The following DIP2C variants were observed in gnomAD, a reference collection of about 807,000 sequenced individuals.
The protein encoded by DIP2C is disco-interacting protein 2 homolog C.
In DIP2C, 33 loss-of-function variants were observed where a neutral mutation model predicts 192.4. That is an observed-to-expected ratio of 0.17 (90% CI 0.13 to 0.23). The LOEUF (loss-of-function observed/expected upper bound fraction) is 0.23. Ranked by LOEUF, DIP2C falls within the 10% of genes least tolerant of loss-of-function variation. DIP2C has a pLI of 1.00. For synonymous variants in DIP2C, 979 were observed against 864.1 expected, an observed-to-expected ratio of 1.13 and a Z score of -2.33; for missense variants, 1,537 against 2,110.1, an observed-to-expected ratio of 0.73 and a Z score of 5.32.
At chr10:647,055 C>G (rs1179346800) in intron 1 of DIP2C, among the ~76,000 whole-genome samples, 1 of 152,214 alleles carries the variant, frequency 6.6e-6, no homozygotes, top group Non-Finnish European at 1.5e-5. Flanking sequence ...TAGGAGAGAA[C>G]AGAGGGAAAC....
At chr10:523,450 TCGTTTCTAC>T in intron 1 of DIP2C, among the ~76,000 whole-genome samples, 1 of 125,614 alleles carries the variant, frequency 8.0e-6, no homozygotes, top group East Asian at 2.7e-4. Context: ...ACCCACACAC[TCGTTTCTAC>T]TGGATGCAAA....
In DIP2C at chr10:651,518, A is replaced by G. The variant is rs1828458358; in HGVS notation, c.85+37976T>C. ...TGAAAATCCGTATCCACGTGAAGGTATTATGCAAAAAAAGCTTAACTTTGT... is the reference window on the plus strand; with the variant it reads ...TGAAAATCCGTATCCACGTGAAGGTGTTATGCAAAAAAAGCTTAACTTTGT... On this transcript the variant is annotated intron_variant, in intron 1 of 36. Transcript: ENST00000280886. The surrounding 1 kb of genome is among the most constrained non-coding windows in gnomAD (Gnocchi z 4.1). 1 of 509,478 alleles carries G rather than the reference A, an allele frequency of 2.0e-6. No homozygotes were observed. The highest frequency in any genetic ancestry group is 1.9e-5 in the African/African-American group (1 of 52,080). 31.6% of individuals were successfully genotyped at this position (509,478 alleles called of 1,614,324 possible).
At chr10:278,433 TGTGCCATTGCAAG>T (rs773205976) in intron 36 of DIP2C, among the ~76,000 whole-genome samples, 41,157 of 152,192 alleles carry the variant, frequency 0.27, 5,676 homozygotes, top group Middle Eastern at 0.37. Context: ...CTGGCGTGCC[TGTGCCATTGCAAG>T]GATGGGGACA....
intron 5 of DIP2C, among the ~76,000 whole-genome samples, chr10:421,964 G>C (rs1415504247): frequency 6.6e-6 from 1 of 152,172 alleles, no homozygotes; most frequent in Admixed American, 6.5e-5. Context: ...CAGTGATCTA[G>C]AAGTGAACAT....
At chr10:677,189 C>G (rs575551701) in intron 1 of DIP2C, among the ~76,000 whole-genome samples, 58 of 152,302 alleles carry the variant, frequency 3.8e-4, no homozygotes, top group African/African-American at 1.3e-3. Flanking sequence ...GTCACTTGAG[C>G]TGAAAGCAAA....
chr10:470,554 CAA>C (rs1446428693), intron 3 of DIP2C, among the ~76,000 whole-genome samples: 1 of 152,176 alleles, frequency 6.6e-6, no homozygotes, highest in African/African-American at 2.4e-5. Flanking sequence ...AGGCTTTTAT[CAA>C]GAGAGAAGAC....
intron 1 of DIP2C, among the ~76,000 whole-genome samples, chr10:596,701 G>GGGAACAGATGCTGCGGGAAGT (rs1179715235): frequency 6.6e-6 from 1 of 152,068 alleles, no homozygotes; most frequent in African/African-American, 2.4e-5. Context: ...AATCGGCATA[G>GGGAACAGATGCTGCGGGAAGT]GGAACAGATG....
intron 1 of DIP2C, among the ~76,000 whole-genome samples, chr10:505,250 C>A (rs974874565): frequency 3.9e-5 from 6 of 152,196 alleles, no homozygotes; most frequent in African/African-American, 1.4e-4. Context: ...ACTAACTTCC[C>A]AGCAGTGTCT....
chr10:286,481 G>A (rs1955137961), intron 33 of DIP2C, 134 bp from the exon 34 acceptor site: 4 of 769,206 alleles, frequency 5.2e-6, no homozygotes, highest in South Asian at 3.2e-5. Flanking sequence ...AAAACTATAT[G>A]CCACATAGTT....
chr10:645,754 C>T (rs760168242), intron 1 of DIP2C, among the ~76,000 whole-genome samples: 7 of 152,148 alleles, frequency 4.6e-5, no homozygotes, highest in Non-Finnish European at 7.4e-5. Flanking sequence ...ATGTTGATAA[C>T]GTTTATCTCT....
At chr10:467,539 TA>T (rs1970313729) in intron 3 of DIP2C, among the ~76,000 whole-genome samples, 2 of 7,356 alleles carry the variant, frequency 2.7e-4, no homozygotes, top group Non-Finnish European at 5.0e-3. Context: ...AAAAAAAAAA[TA>T]AATAAAATAA....
intron 32 of DIP2C, among the ~76,000 whole-genome samples, chr10:290,726 G>A (rs1028440207): frequency 7.9e-5 from 12 of 152,216 alleles, no homozygotes; most frequent in Non-Finnish European, 1.5e-4. Context: ...AACTAGGAGG[G>A]GGTCAGAGGC....
chr10:347,431 A>G (rs1958540723), intron 26 of DIP2C, among the ~76,000 whole-genome samples: 1 of 147,710 alleles, frequency 6.8e-6, no homozygotes, highest in African/African-American at 2.5e-5. Context: ...TTCTCCCGGA[A>G]ACGTCACACG....
At chr10:501,899 C>T (rs919654579) in intron 1 of DIP2C, among the ~76,000 whole-genome samples, 1 of 152,158 alleles carries the variant, frequency 6.6e-6, no homozygotes, top group African/African-American at 2.4e-5. Context: ...AATCCCAGTG[C>T]TTTGGGAGGC....
At chr10:570,188 A>G (rs566849136) in intron 1 of DIP2C, among the ~76,000 whole-genome samples, 2 of 152,280 alleles carry the variant, frequency 1.3e-5, no homozygotes, top group African/African-American at 4.8e-5. Flanking sequence ...TGTCATTGCC[A>G]CCATAGCTGT....
rs17159608 is a variant in DIP2C, at chr10:503,830, T to C, written c.86-17300A>G. On this transcript the variant is annotated intron_variant, in intron 1 of 36. Transcript: ENST00000280886. ...CTATGGTTTTCATCACGGTTCTATA[T>C]ACACCTGAAAATCTCTGCCGCCTAC... Among the ~76,000 whole-genome samples, 417 of 152,362 alleles carry C rather than the reference T, an allele frequency of 2.7e-3. 3 individuals are homozygous for C. Among genetic ancestry groups the C allele is most frequent in the Admixed American group, 0.018 (274 of 15,312 alleles).
At chr10:649,360 A>G (rs2131990158) in intron 1 of DIP2C, among the ~76,000 whole-genome samples, 1 of 152,326 alleles carries the variant, frequency 6.6e-6, no homozygotes, top group South Asian at 2.1e-4. Context: ...AACTGAGTCC[A>G]CGTCCACATT....
intron 1 of DIP2C, among the ~76,000 whole-genome samples, chr10:590,028 G>C (rs1315874306): frequency 2.6e-5 from 4 of 152,226 alleles, no homozygotes; most frequent in African/African-American, 9.6e-5. Flanking sequence ...GTTCAAACAG[G>C]AGAAAGGTAG....
intron 1 of DIP2C, chr10:629,006 G>C (rs1014646064): frequency 1.7e-4 from 26 of 152,464 alleles, no homozygotes; most frequent in African/African-American, 6.3e-4. Context: ...TGGGGTTTTG[G>C]TCATGCCAAT....
Sources: allele counts gnomAD v4.1 joint callset (sites outside exome capture counted in the v4.1 genomes callset), GRCh38; gene constraint gnomAD v4.1.1; non-coding constraint Gnocchi (gnomAD v3.1); transcripts MANE v1.5; gene names NCBI Gene and HGNC (gene_info 2026-07-23, HGNC 2026-07-21).